AP2A2: variants seen among roughly 807,000 people sequenced by gnomAD.
The protein encoded by AP2A2 is adaptor related protein complex 2 subunit alpha 2.
In AP2A2, 32 loss-of-function variants were observed where a neutral mutation model predicts 104.2. The observed-to-expected ratio is 0.31, with a 90% CI of 0.23 to 0.41. The LOEUF is 0.41. AP2A2 is among the 10% of genes least tolerant of loss of function. The pLI is 1.00. For missense variants in AP2A2, 912 were observed against 1,261.0 expected (o/e 0.72, Z 4.19); for synonymous variants, 539 against 533.3 (o/e 1.01, Z -0.15).
intron 7 of AP2A2, 77 bp downstream of exon 7, chr11:984,830 TG>T: frequency 7.8e-7 from 1 of 1,275,170 alleles, no homozygotes; most frequent in East Asian, 2.3e-5. Flanking sequence ...GTGGTTTGTT[TG>T]TTATTTTAAG....
At chr11:1,007,855 G>T in intron 17 of AP2A2, 157 bp from the exon 18 acceptor site, 1 of 985,130 alleles carries the variant, frequency 1.0e-6, no homozygotes, top group Non-Finnish European at 1.5e-6. Flanking sequence ...TGGGTGGAAG[G>T]GCAGGGCCGG....
chr11:961,750 CA>C (rs1292685146), intron 2 of AP2A2, among the ~76,000 whole-genome samples: 1 of 140,230 alleles, frequency 7.1e-6, no homozygotes, highest in Non-Finnish European at 1.5e-5. Context: ...TAGTCGCCGC[CA>C]CCAGTGAAAA....
rs1243705157 is a variant in AP2A2 at position 972,154 on chromosome 11, C to T, written c.372C>T (p.Asn124=). 1 of 1,613,512 alleles carries T rather than the reference C, an allele frequency of 6.2e-7. No homozygotes were observed. Among genetic ancestry groups the T allele is most frequent in the Non-Finnish European group, 8.5e-7 (1 of 1,179,770 alleles). ...NAIKNDLASR[N]PTFMGLALHC... ...TCAAGAATGACCTGGCCAGCCGCAACCCCACCTTCATGGGCCTGGCCCTGC... is the reference window on the plus strand; with the variant it reads ...TCAAGAATGACCTGGCCAGCCGCAATCCCACCTTCATGGGCCTGGCCCTGC... The change falls in exon 4 of 22, where the codon AAC becomes AAT. Residue 124 remains asparagine (N), a synonymous_variant. Transcript: ENST00000448903.
intron 21 of AP2A2, 27 bp from the exon 22 acceptor site, chr11:1,010,521 G>A (rs368955834): frequency 4.4e-5 from 68 of 1,562,006 alleles, no homozygotes; most frequent in Admixed American, 1.1e-4. Flanking sequence ...CGGCGTGCCC[G>A]TTGACCTGCT....
At chr11:970,112 C>T in intron 2 of AP2A2, 57 bp from the exon 3 acceptor site, 1 of 1,591,368 alleles carries the variant, frequency 6.3e-7, no homozygotes, top group South Asian at 1.1e-5. Flanking sequence ...CTCTGCTCTC[C>T]CCTCTCCCCT....
At chr11:950,710 A>C (rs1854022887) in intron 1 of AP2A2, among the ~76,000 whole-genome samples, 1 of 152,332 alleles carries the variant, frequency 6.6e-6, no homozygotes, top group Admixed American at 6.5e-5. Flanking sequence ...GAATGAGAGA[A>C]AATATTTGAA....
intron 6 of AP2A2, among the ~76,000 whole-genome samples, chr11:983,572 AT>A (rs1179087313): frequency 6.6e-6 from 1 of 151,336 alleles, no homozygotes; most frequent in Non-Finnish European, 1.5e-5. Flanking sequence ...TTTAGTAGAG[AT>A]GGGGTTTCAC....
intron 4 of AP2A2, among the ~76,000 whole-genome samples, chr11:974,105 G>A (rs574584810): frequency 6.6e-6 from 1 of 152,292 alleles, no homozygotes; most frequent in South Asian, 2.1e-4. Context: ...CTGGAAGGGA[G>A]CAGGTGGCCA....
intron 4 of AP2A2, among the ~76,000 whole-genome samples, chr11:974,763 G>A (rs1854962666): frequency 6.6e-6 from 1 of 151,004 alleles, no homozygotes. Flanking sequence ...GAGACGGGCA[G>A]ATCATGAGTT....
At chr11:947,786 A>AC (rs968300906) in intron 1 of AP2A2, among the ~76,000 whole-genome samples, 2 of 130,938 alleles carry the variant, frequency 1.5e-5, no homozygotes, top group Admixed American at 8.9e-5. Context: ...CAAAAGTGAG[A>AC]CCCCCGTCTC....
In AP2A2 at chr11:1,000,479, C is replaced by T. The variant is rs868325376; in HGVS notation, c.2004C>T (p.Pro668=). The T allele has an allele frequency of 1.9e-6, 3 of 1,540,554 alleles. No individual in the cohort carries two copies. Among genetic ancestry groups the T allele is most frequent in the Admixed American group, 2.0e-5 (1 of 51,128 alleles). The change falls in exon 15 of 22, where the codon CCC becomes CCT. Residue 668 remains proline (P), a synonymous_variant. Coordinates refer to ENST00000448903, the MANE Select transcript of AP2A2 (RefSeq NM_012305.4). The stretch of plus-strand genomic sequence containing the variant: ...ACCTGCTGGGTCTCGGGGCTGCCCC[C>T]CCTGCCCCCGCGGGCCCCCCACCCT... The part of the protein sequence containing the change: ...SADLLGLGAA[P]PAPAGPPPSS...
intron 1 of AP2A2, among the ~76,000 whole-genome samples, chr11:934,373 C>T (rs1589941589): frequency 6.6e-6 from 1 of 152,178 alleles, no homozygotes; most frequent in Admixed American, 6.5e-5. Flanking sequence ...GATCCTCCCC[C>T]ATCAGCCTCC....
At chr11:935,900 C>CT (rs745486621) in intron 1 of AP2A2, among the ~76,000 whole-genome samples, 153 of 119,462 alleles carry the variant, frequency 1.3e-3, no homozygotes, top group Middle Eastern at 7.5e-3. Flanking sequence ...CGGCCTATTC[C>CT]TTTTTTTTTT....
rs776381664 is a variant in AP2A2 at position 988,607 on chromosome 11, G to T, written c.1187G>T (p.Cys396Phe). The T allele has an allele frequency of 3.1e-6, 5 of 1,613,362 alleles. No individual in the cohort carries two copies. Residue 396 changes from cysteine to phenylalanine, a missense_variant, in exon 10 of 22, where the codon TGC becomes TTC. By Grantham distance (205) the Cys-to-Phe change is radical. Coordinates refer to ENST00000448903, the MANE Select transcript of AP2A2 (RefSeq NM_012305.4). ...QRAVDLLYAM[C>F]DRSNAPQIVA... ...GCCGTGGACCTCCTCTACGCCATGT[G>T]CGACCGCAGCAACGCCCCACAGATC... is the stretch of plus-strand genomic sequence containing the variant.
intron 1 of AP2A2, among the ~76,000 whole-genome samples, chr11:945,167 C>T (rs1170706013): frequency 4.6e-5 from 7 of 152,022 alleles, no homozygotes; most frequent in African/African-American, 1.4e-4. Context: ...TGAGCAGCAG[C>T]AGGACACATG....
chr11:1,011,516 G>A lies in AP2A2; in HGVS notation c.*891G>A. The A allele has an allele frequency of 2.0e-6, 1 of 491,440 alleles. No homozygotes were observed. Among genetic ancestry groups the A allele is most frequent in the Non-Finnish European group, 4.1e-6 (1 of 246,278 alleles). 30.4% of individuals were successfully genotyped at this position (491,440 alleles called of 1,614,324 possible). On this transcript the variant is annotated 3_prime_UTR_variant, in exon 22 of 22. Coordinates refer to ENST00000448903, the MANE Select transcript of AP2A2 (RefSeq NM_012305.4). ...GGACGCCTCTGTGTGGTCAGGAAGT[G>A]AAGGGGCCATTGGCCGCATGCCATG...
At chr11:983,326 C>T (rs1358577474) in intron 6 of AP2A2, among the ~76,000 whole-genome samples, 1 of 150,494 alleles carries the variant, frequency 6.6e-6, no homozygotes, top group Non-Finnish European at 1.5e-5. Context: ...CACCTGGACT[C>T]CTTTCCTCTA....
At chr11:956,400 C>A (rs1231017414) in intron 1 of AP2A2, among the ~76,000 whole-genome samples, 1 of 152,072 alleles carries the variant, frequency 6.6e-6, no homozygotes, top group Non-Finnish European at 1.5e-5. Flanking sequence ...TGACCTCAGG[C>A]GACCCACCTG....
chr11:936,207 T>G (rs1034949671), intron 1 of AP2A2, among the ~76,000 whole-genome samples: 2 of 78,082 alleles, frequency 2.6e-5, no homozygotes, highest in African/African-American at 9.8e-5. Flanking sequence ...GCGCCTGGCC[T>G]TTTTTTTTTT....
Sources: allele counts gnomAD v4.1 joint callset (sites outside exome capture counted in the v4.1 genomes callset), GRCh38; gene constraint gnomAD v4.1.1; transcripts MANE v1.5; gene names NCBI Gene and HGNC (gene_info 2026-07-23, HGNC 2026-07-21).